The following CHD3 variants were observed in gnomAD, a reference collection of about 807,000 sequenced individuals.
The protein encoded by CHD3 is chromodomain helicase DNA binding protein 3, also known as ATP-dependent chromatin remodeler CHD3.
Under a neutral mutation model 248.9 loss-of-function variants are expected in CHD3, and 52 were observed. That is an observed-to-expected ratio of 0.21 (90% CI 0.17 to 0.26). The LOEUF is 0.26. CHD3 is among the 10% of genes least tolerant of loss of function. The pLI is 1.00. For synonymous variants in CHD3, 985 were observed against 985.2 expected (o/e 1.00, Z 0.00); for missense variants, 1,482 against 2,605.8 (o/e 0.57, Z 9.39).
intron 4 of CHD3, among the ~76,000 whole-genome samples, 162 bp downstream of exon 4, chr17:7,891,226 A>G (rs963580107): frequency 2.6e-5 from 4 of 152,198 alleles, no homozygotes; most frequent in Non-Finnish European, 4.4e-5. Flanking sequence ...CTAGACTCAT[A>G]AGGATCCAAG....
rs143802807 is a variant in CHD3, at chr17:7,911,209, C to T, written c.5881+236C>T. 1.3e-5 allele frequency among the ~76,000 whole-genome samples: 2 copies of T among 152,178 alleles called. No individual in the cohort carries two copies. The highest frequency in any genetic ancestry group is 2.9e-5 in the Non-Finnish European group (2 of 68,040). ...GATCTGTGGCTTGGTGTCTTCTACCCGAGCCACCTCCCTCCGGGTTCCTTC... is the reference window on the plus strand; with the variant it reads ...GATCTGTGGCTTGGTGTCTTCTACCTGAGCCACCTCCCTCCGGGTTCCTTC... On this transcript the variant is annotated intron_variant, in intron 39 of 39. Coordinates refer to ENST00000330494, the MANE Select transcript of CHD3 (RefSeq NM_001005273.3). The surrounding 1 kb of genome is among the most constrained non-coding windows in gnomAD (Gnocchi z 5.4).
chr17:7,894,815 C>G, intron 8 of CHD3, 102 bp from the exon 9 acceptor site: 1 of 1,539,094 alleles, frequency 6.5e-7, no homozygotes, highest in Non-Finnish European at 8.8e-7. Context: ...CACCAGTCTT[C>G]TCTGCACTTC....
At chr17:7,892,440 G>T (rs1309483383) in intron 4 of CHD3, among the ~76,000 whole-genome samples, 4 of 150,240 alleles carry the variant, frequency 2.7e-5, no homozygotes, top group African/African-American at 9.8e-5. Flanking sequence ...CATTTTTGTT[G>T]ATTTTATTTT....
In CHD3 at chr17:7,909,365, G is replaced by A; in HGVS notation, c.5590+27G>A. On this transcript the variant is annotated intron_variant, in intron 37 of 39. Transcript: ENST00000330494. The surrounding 1 kb of genome is among the most constrained non-coding windows in gnomAD (Gnocchi z 8.1). ...TAAGGGCCGCGGCGGCCCCGCGCGG[G>A]GGAGGGCCCACAACGCTGCGTAAGT... 6.6e-7 allele frequency: 1 copy of A among 1,522,234 alleles called. No individual in the cohort carries two copies. The highest frequency in any genetic ancestry group is 8.8e-7 in the Non-Finnish European group (1 of 1,133,366). The allele number at this position is 1,522,234 out of a possible 1,614,324, so 94.3% of individuals were successfully genotyped here. A position where few individuals can be genotyped will look rare whatever the true frequency, so the allele number is the denominator to read the frequency against.
In CHD3 at chr17:7,905,026, C is replaced by T; in HGVS notation, c.4073-74C>T. 7.3e-7 allele frequency: 1 copy of T among 1,367,660 alleles called. No homozygotes were observed. The highest frequency in any genetic ancestry group is 1.0e-6 in the Non-Finnish European group (1 of 957,048). 84.7% of individuals were successfully genotyped at this position (1,367,660 alleles called of 1,614,324 possible). On this transcript the variant is annotated intron_variant, in intron 25 of 39. Coordinates refer to ENST00000330494, the MANE Select transcript of CHD3 (RefSeq NM_001005273.3). The surrounding 1 kb of genome is among the most constrained non-coding windows in gnomAD (Gnocchi z 5.8). The stretch of plus-strand genomic sequence containing the variant: ...AGACAAGTCTCGGCAGGGAGGAATC[C>T]AGCCAGAAAGGGCCTCAGCATGGGC...
upstream of CHD3, among the ~76,000 whole-genome samples, chr17:7,885,741 G>A (rs1324939541): frequency 6.6e-6 from 1 of 152,174 alleles, no homozygotes; most frequent in Non-Finnish European, 1.5e-5. Context: ...AGACTTAGGT[G>A]CCCGCCAACT....
rs986325838 is a variant in CHD3, at chr17:7,904,143, C to T, written c.3894+152C>T. On this transcript the variant is annotated intron_variant, in intron 24 of 39. Coordinates refer to ENST00000330494, the MANE Select transcript of CHD3 (RefSeq NM_001005273.3). This position sits in a 1 kb window ranked among gnomAD's most constrained non-coding sequence, Gnocchi z 4.4. ...TCGTCTAATAGGTGAGACTGGACTTCAGAGAGAAACGTAGGCACAGACAGT... is the reference window on the plus strand; with the variant it reads ...TCGTCTAATAGGTGAGACTGGACTTTAGAGAGAAACGTAGGCACAGACAGT... 1 of 765,706 alleles carries T rather than the reference C, an allele frequency of 1.3e-6. No individual in the cohort carries two copies. The highest frequency in any genetic ancestry group is 1.8e-5 in the South Asian group (1 of 54,768). The allele number at this position is 765,706 out of a possible 1,614,324, so 47.4% of individuals were successfully genotyped here.
At chr17:7,898,402 C>A in intron 12 of CHD3, 94 bp from the exon 13 acceptor site, 1 of 959,324 alleles carries the variant, frequency 1.0e-6, no homozygotes, top group South Asian at 1.5e-5. Context: ...AAATCTAGGT[C>A]ATGGACAGTG....
chr17:7,910,599 T>C lies in CHD3; in HGVS notation c.5754+8T>C, dbSNP rs370878378. ...GAGCCTCACCCCACACCGGTAACCCTCTTTCCCCCTAGCTCCAGTTTTCCC... is the reference window on the plus strand; with the variant it reads ...GAGCCTCACCCCACACCGGTAACCCCCTTTCCCCCTAGCTCCAGTTTTCCC... On this transcript the variant is annotated splice_region_variant and intron_variant, in intron 38 of 39. Coordinates refer to ENST00000330494, the MANE Select transcript of CHD3 (RefSeq NM_001005273.3). This position sits in a 1 kb window ranked among gnomAD's most constrained non-coding sequence, Gnocchi z 4.7. 15 of 1,601,940 alleles carry C rather than the reference T, an allele frequency of 9.4e-6. 1 individual carries two copies. The South Asian group carries it at 1.5e-4, about 16-fold the overall frequency.
intron 20 of CHD3, among the ~76,000 whole-genome samples, chr17:7,902,190 G>A (rs1048514910): frequency 2.6e-5 from 4 of 152,116 alleles, no homozygotes; most frequent in Non-Finnish European, 5.9e-5. Context: ...GGAGGCCGAG[G>A]CAGGAAGATC....
At position 7,910,802 on chromosome 17, in the gene CHD3, A is replaced by G; in HGVS notation, c.5755-45A>G. 6.3e-7 allele frequency: 1 copy of G among 1,575,436 alleles called. No individual in the cohort carries two copies. Among genetic ancestry groups the G allele is most frequent in the Non-Finnish European group, 8.6e-7 (1 of 1,163,856 alleles). On this transcript the variant is annotated intron_variant, in intron 38 of 39. Coordinates refer to ENST00000330494, the MANE Select transcript of CHD3 (RefSeq NM_001005273.3). This position sits in a 1 kb window ranked among gnomAD's most constrained non-coding sequence, Gnocchi z 4.7. ...TCTCTCCTACAGCTTCTTTCCTCTC[A>G]CAGACTATGAACTAACTCCAACTTC... is the stretch of plus-strand genomic sequence containing the variant.
chr17:7,894,014 A>T, intron 6 of CHD3, 79 bp downstream of exon 6: 2 of 1,601,180 alleles, frequency 1.2e-6, no homozygotes, highest in Non-Finnish European at 1.7e-6. Flanking sequence ...CCAAGGATCC[A>T]GAGACAGGGA....
At chr17:7,892,712 G>C (rs997434982) in intron 4 of CHD3, among the ~76,000 whole-genome samples, 1 of 151,980 alleles carries the variant, frequency 6.6e-6, no homozygotes, top group Non-Finnish European at 1.5e-5. Context: ...GGCCAGGATG[G>C]TCTCCATCTC....
rs7222046 is a variant in CHD3 at position 7,903,211 on chromosome 17, A to G, written c.3496-61A>G. ...CAGCCTTCTTTCCTGAGGCAGCTCT[A>G]TGGGCAGCTTCTCCCCGGCCACTCC... On this transcript the variant is annotated intron_variant, in intron 22 of 39. Transcript: ENST00000330494. This position sits in a 1 kb window ranked among gnomAD's most constrained non-coding sequence, Gnocchi z 6.8. The G allele has an allele frequency of 0.5, 798,266 of 1,583,206 alleles. 217,434 individuals are homozygous for G. The highest frequency in any genetic ancestry group is 1 in the East Asian group (44,479 of 44,544).
At position 7,900,639 on chromosome 17, in the gene CHD3, A is replaced by G. The variant is rs1970190111; in HGVS notation, c.2886A>G (p.Pro962=). 5 of 1,614,096 alleles carry G rather than the reference A, an allele frequency of 3.1e-6. No homozygotes were observed. Among genetic ancestry groups the G allele is most frequent in the African/African-American group, 1.3e-5 (1 of 75,002 alleles). ...QIKKLHDLLG[P]HMLRRLKADV... ...AGAAACTGCATGATTTGCTGGGGCC[A>G]CACATGCTGCGGAGACTCAAGGCAG... is the stretch of plus-strand genomic sequence containing the variant. Residue 962 remains proline (P), a synonymous_variant, in exon 18 of 40, where the codon CCA becomes CCG. Coordinates refer to ENST00000330494, the MANE Select transcript of CHD3 (RefSeq NM_001005273.3). The surrounding 1 kb of genome is among the most constrained non-coding windows in gnomAD (Gnocchi z 6.5).
At position 7,890,964 on chromosome 17, in the gene CHD3, A is replaced by G. The variant is rs774913196; in HGVS notation, c.409A>G (p.Thr137Ala). The G allele has an allele frequency of 1.2e-6, 2 of 1,613,898 alleles. No homozygotes were observed. The highest frequency in any genetic ancestry group is 1.1e-5 in the South Asian group (1 of 91,062). Residue 137 changes from threonine (T) to alanine (A), a missense_variant, in exon 4 of 40, where the codon ACT becomes GCT. Coordinates refer to ENST00000330494, the MANE Select transcript of CHD3 (RefSeq NM_001005273.3). Reference sequence around the variant, plus strand: ...GCAAGTGGAACAGAAGTCATCAGCAACTCTGCTTCTGACCTGGGGCCTGGA... The same window carrying G: ...GCAAGTGGAACAGAAGTCATCAGCAGCTCTGCTTCTGACCTGGGGCCTGGA... ...QKQVEQKSSA[T>A]LLLTWGLEDV... is the part of the protein sequence containing the mutation.
At chr17:7,894,088 C>T in intron 6 of CHD3, 27 bp from the exon 7 acceptor site, 1 of 1,577,704 alleles carries the variant, frequency 6.3e-7, no homozygotes, top group Non-Finnish European at 8.6e-7. Context: ...AAGTCTGCCT[C>T]ACTGACGGCC....
chr17:7,888,419 A>G (rs538145400), upstream of CHD3, among the ~76,000 whole-genome samples: 198 of 152,294 alleles, frequency 1.3e-3, no homozygotes, highest in African/African-American at 4.4e-3. Context: ...AGGCTTTCCC[A>G]TCTTGCATCG....
In CHD3 at chr17:7,894,501, G is replaced by A. The variant is rs1216826638; in HGVS notation, c.1162G>A (p.Gly388Ser). The A allele has an allele frequency of 3.7e-6, 6 of 1,614,000 alleles. No homozygotes were observed. The highest frequency in any genetic ancestry group is 8.5e-7 in the Non-Finnish European group (1 of 1,180,032). ...GGATTACTGTGAGGTGTGCCAGCAG[G>A]GTGGGGAAATTATTCTGTGTGACAC... Reference protein sequence around the residue: ...HQDYCEVCQQGGEIILCDTCP... With the variant: ...HQDYCEVCQQSGEIILCDTCP... Residue 388 changes from glycine to serine, a missense_variant, in exon 8 of 40, where the codon GGT (glycine) becomes AGT (serine). Transcript: ENST00000330494.
Sources: allele counts gnomAD v4.1 joint callset (sites outside exome capture counted in the v4.1 genomes callset), GRCh38; gene constraint gnomAD v4.1.1; non-coding constraint Gnocchi (gnomAD v3.1); transcripts MANE v1.5; gene names NCBI Gene and HGNC (gene_info 2026-07-23, HGNC 2026-07-21).